Variants in ABCA3 observed in about 807,000 individuals in gnomAD.
ABCA3 encodes the protein ATP binding cassette subfamily A member 3.
ABCA3 carries 88 observed loss-of-function variants against 172.8 expected under a neutral mutation model. That is an observed-to-expected ratio of 0.51 (90% CI 0.43 to 0.61). The LOEUF (loss-of-function observed/expected upper bound fraction) is 0.61. ABCA3 is among the 20% of genes least tolerant of loss of function. ABCA3 has a pLI of 0.00. For synonymous variants in ABCA3, 1,066 were observed against 983.8 expected (o/e 1.08, Z -1.56); for missense variants, 2,164 against 2,301.0 (o/e 0.94, Z 1.22).
At chr16:2,311,453 C>T (rs1478911649) in intron 10 of ABCA3, among the ~76,000 whole-genome samples, 4 of 152,134 alleles carry the variant, frequency 2.6e-5, no homozygotes, top group African/African-American at 7.2e-5. Context: ...AGGTTAGTTG[C>T]CATGAAGTAA....
chr16:2,299,259 G>T, intron 14 of ABCA3, 144 bp downstream of exon 14: 1 of 1,212,430 alleles, frequency 8.2e-7, no homozygotes, highest in African/African-American at 1.5e-5. Context: ...GTGCCCCTGG[G>T]CCTGCAGGGC....
At chr16:2,325,546 C>G (rs1256486838) in intron 5 of ABCA3, among the ~76,000 whole-genome samples, 1 of 152,186 alleles carries the variant, frequency 6.6e-6, no homozygotes, top group Non-Finnish European at 1.5e-5. Flanking sequence ...GCAAAAACCT[C>G]ACTTTCTTTT....
intron 10 of ABCA3, among the ~76,000 whole-genome samples, chr16:2,315,804 CAG>C (rs1443547201): frequency 2.0e-5 from 3 of 151,224 alleles, no homozygotes; most frequent in Admixed American, 1.3e-4. Context: ...GCTAGGACCA[CAG>C]GGGCATGCCA....
At chr16:2,313,478 A>T (rs149620152) in intron 10 of ABCA3, among the ~76,000 whole-genome samples, 4 of 148,334 alleles carry the variant, frequency 2.7e-5, no homozygotes, top group African/African-American at 5.0e-5. Context: ...GCTTGAACCC[A>T]GGCAGCAGAG....
chr16:2,315,025 C>T (rs2093712745), intron 10 of ABCA3, among the ~76,000 whole-genome samples: 1 of 150,868 alleles, frequency 6.6e-6, no homozygotes, highest in Admixed American at 6.6e-5. Flanking sequence ...CTACAGGTAC[C>T]CGCCACCACA....
chr16:2,290,344 G>C (rs2093670138), intron 19 of ABCA3, among the ~76,000 whole-genome samples: 1 of 152,210 alleles, frequency 6.6e-6, no homozygotes, highest in Non-Finnish European at 1.5e-5. Context: ...AGCCTGGCTA[G>C]CTCTCCCCAG....
chr16:2,319,486 A>AG, intron 8 of ABCA3, 95 bp downstream of exon 8: 1 of 1,456,016 alleles, frequency 6.9e-7, no homozygotes. Flanking sequence ...CTCCAACTCA[A>AG]AAAAAAAAAA....
intron 10 of ABCA3, among the ~76,000 whole-genome samples, chr16:2,308,841 C>T (rs1350499735): frequency 6.6e-6 from 1 of 152,154 alleles, no homozygotes; most frequent in Non-Finnish European, 1.5e-5. Flanking sequence ...TCCCAGGGAC[C>T]CCCACACCAA....
intron 8 of ABCA3, 68 bp downstream of exon 8, chr16:2,319,512 GC>G: frequency 6.4e-7 from 1 of 1,554,880 alleles, no homozygotes; most frequent in Non-Finnish European, 8.7e-7. Flanking sequence ...AAAACACCAA[GC>G]CTTTGGACAT....
At position 2,316,490 on chromosome 16, in the gene ABCA3, C is replaced by CAAAAAAAAAAAAAAAAAAAA. The variant is rs71148128; in HGVS notation, c.1111+773_1111+792dup. 3.5e-4 allele frequency among the ~76,000 whole-genome samples: 10 copies of CAAAAAAAAAAAAAAAAAAAA among 28,874 alleles called. 4 individuals are homozygous for CAAAAAAAAAAAAAAAAAAAA. The highest frequency in any genetic ancestry group is 8.8e-4 in the East Asian group (2 of 2,278). The allele number at this position is 28,874 out of a possible 152,430, so 18.9% of individuals were successfully genotyped here. ...CAAAACCCCGTCTCTACTAAAAATG[C>CAAAAAAAAAAAAAAAAAAAA]AAAAAAAAAAAAAAAAAAAAAAAAA... On this transcript the variant is annotated intron_variant, in intron 10 of 32. Coordinates refer to ENST00000301732, the MANE Select transcript of ABCA3 (RefSeq NM_001089.3).
intron 10 of ABCA3, among the ~76,000 whole-genome samples, chr16:2,316,548 C>A (rs2093716228): frequency 7.9e-6 from 1 of 126,122 alleles, no homozygotes; most frequent in African/African-American, 3.1e-5. Context: ...CGTGGTGGCA[C>A]ACGCCTGTAA....
At chr16:2,316,674 C>G (rs1035576217) in intron 10 of ABCA3, among the ~76,000 whole-genome samples, 3 of 148,852 alleles carry the variant, frequency 2.0e-5, no homozygotes, top group Non-Finnish European at 4.5e-5. Flanking sequence ...CAAGACTGCT[C>G]GAAAAAAAAA....
chr16:2,278,158 C>CT lies in ABCA3; in HGVS notation c.4719-90dup. On this transcript the variant is annotated intron_variant, in intron 30 of 32. Transcript: ENST00000301732. This position sits in a 1 kb window ranked among gnomAD's most constrained non-coding sequence, Gnocchi z 4.4. ...CATTGGCTCTCCGATCAGGCTGTTC[C>CT]TGATACCCATGCTCAGTGTGGCTCA... 6.2e-7 allele frequency: 1 copy of CT among 1,600,438 alleles called. No individual in the cohort carries two copies. The highest frequency in any genetic ancestry group is 2.2e-5 in the East Asian group (1 of 44,734).
rs372032967 is a variant in ABCA3 at position 2,317,380 on chromosome 16, C to T, written c.1014G>A (p.Leu338=). Residue 338 remains leucine, a synonymous_variant, in exon 10 of 33, where the codon CTG becomes CTA. Coordinates refer to ENST00000301732, the MANE Select transcript of ABCA3 (RefSeq NM_001089.3). ...CVKVKPNVAV[L]SRSDPSLVLA... is the part of the protein sequence containing the mutation. The stretch of plus-strand genomic sequence containing the variant: ...GCACCAGGGAGGGGTCGCTGCGGGA[C>T]AGCACGGCTACATTTGGCTTCACCT... The T allele has an allele frequency of 3.7e-6, 6 of 1,613,982 alleles. No homozygotes were observed. The highest frequency in any genetic ancestry group is 2.2e-5 in the East Asian group (1 of 44,870).
At chr16:2,298,680 C>G in intron 14 of ABCA3, 140 bp from the exon 15 acceptor site, 1 of 1,032,714 alleles carries the variant, frequency 9.7e-7, no homozygotes, top group Non-Finnish European at 1.4e-6. Context: ...AACCCCACTC[C>G]CACTGGGGTG....
Position 2,283,029 on chromosome 16 carries a change from G to T in ABCA3, c.4035+157C>A, listed in dbSNP as rs528376351. ...GCGAGGGCTGTGCCCCGCCCTGGCT[G>T]TAAGTGCCGGCTGGTGCTGAGGCCG... On this transcript the variant is annotated intron_variant, in intron 26 of 32. Transcript: ENST00000301732. This position sits in a 1 kb window ranked among gnomAD's most constrained non-coding sequence, Gnocchi z 5.4. 1.1e-4 allele frequency among the ~76,000 whole-genome samples: 16 copies of T among 152,338 alleles called. No homozygotes were observed. Among genetic ancestry groups the T allele is most frequent in the African/African-American group, 3.8e-4 (16 of 41,592 alleles).
At position 2,285,518 on chromosome 16, in the gene ABCA3, A is replaced by T. The variant is rs1351377545; in HGVS notation, c.3407T>A (p.Val1136Asp). 3 of 1,607,622 alleles carry T rather than the reference A, an allele frequency of 1.9e-6. No homozygotes were observed. The African/African-American group carries it at 4.0e-5, about 21-fold the overall frequency. The change falls in exon 23 of 33, where the codon GTC (valine) becomes GAC (aspartate). Residue 1136 changes from valine (V) to aspartate (D), a missense_variant. Val to Asp is a radical substitution (Grantham distance 152, BLOSUM62 -3). Transcript: ENST00000301732. This position sits in a 1 kb window ranked among gnomAD's most constrained non-coding sequence, Gnocchi z 4.7. ...QAKHVQFVSG[V>D]HVASFWLSAL... ...AGAGAGCCAGAAACTGGCCACGTGG[A>T]CTCCACTCACAAACTGCACATGCTT...
At position 2,324,395 on chromosome 16, in the gene ABCA3, AC is replaced by A. The variant is rs1173131465; in HGVS notation, c.447+8del. On this transcript the variant is annotated splice_region_variant and intron_variant, in intron 6 of 32. Coordinates refer to ENST00000301732, the MANE Select transcript of ABCA3 (RefSeq NM_001089.3). ...GGCTGTGACTGCTCGGCCCGGCCGCACGTCTCACCGCCAGCGGCAGGGGCTC... is the reference window on the plus strand; with the variant it reads ...GGCTGTGACTGCTCGGCCCGGCCGCAGTCTCACCGCCAGCGGCAGGGGCTC... 1 of 1,589,800 alleles carries A rather than the reference AC, an allele frequency of 6.3e-7. No homozygotes were observed. Among genetic ancestry groups the A allele is most frequent in the East Asian group, 2.3e-5 (1 of 44,312 alleles).
At chr16:2,313,071 A>T (rs1433000624) in intron 10 of ABCA3, among the ~76,000 whole-genome samples, 4 of 152,028 alleles carry the variant, frequency 2.6e-5, no homozygotes, top group African/African-American at 7.2e-5. Flanking sequence ...AAAAAAATTT[A>T]AAAAATAAGC....
Sources: gnomAD v4.1 joint callset for allele counts (sites outside exome capture counted in the v4.1 genomes callset) on GRCh38, gnomAD v4.1.1 for gene constraint, Gnocchi (gnomAD v3.1) non-coding constraint, MANE v1.5 for transcripts, NCBI Gene and HGNC (gene_info 2026-07-23, HGNC 2026-07-21) for gene names.